The following FAAH2 variants were observed in gnomAD, a reference collection of about 807,000 sequenced individuals.
The protein encoded by FAAH2 is fatty-acid amide hydrolase 2.
FAAH2 carries 60 observed loss-of-function variants against 36.9 expected under a neutral mutation model. That is an observed-to-expected ratio of 1.63 (90% CI 1.32 to 2.02). FAAH2 has a LOEUF of 2.02. Ranked by LOEUF, FAAH2 falls within the 30% of genes most tolerant of loss-of-function variation. FAAH2 has a pLI of 0.00. For missense variants in FAAH2, 689 were observed against 397.5 expected, an observed-to-expected ratio of 1.73 and a Z score of -6.23; for synonymous variants, 214 against 143.8, an observed-to-expected ratio of 1.49 and a Z score of -3.49.
intron 7 of FAAH2, among the ~76,000 whole-genome samples, chrX:57,431,170 T>C (rs2147110833): frequency 8.9e-6 from 1 of 111,860 alleles, no homozygotes; most frequent in South Asian, 3.8e-4. Flanking sequence ...TCCATTGTCA[T>C]ACGTATTCCC....
chrX:57,403,025 A>G (rs1167561270), intron 7 of FAAH2, among the ~76,000 whole-genome samples: 1 of 112,062 alleles, frequency 8.9e-6, no homozygotes, highest in East Asian at 2.8e-4. Flanking sequence ...GGATTGTCCT[A>G]ACCCTTGTAA....
intron 10 of FAAH2, among the ~76,000 whole-genome samples, chrX:57,485,173 C>T (rs6612819): frequency 1.8e-5 from 2 of 112,193 alleles, no homozygotes; most frequent in East Asian, 5.7e-4. Context: ...CCACACTTTC[C>T]TCCTACAGAT....
At chrX:57,302,063 C>G (rs755682019) in intron 2 of FAAH2, among the ~76,000 whole-genome samples, 1 of 111,827 alleles carries the variant, frequency 8.9e-6, no homozygotes, top group Non-Finnish European at 1.9e-5. Context: ...CCTGAAGCAT[C>G]TATTGTCATG....
chrX:57,334,150 A>G (rs2053481362), intron 4 of FAAH2, among the ~76,000 whole-genome samples: 1 of 109,592 alleles, frequency 9.1e-6, no homozygotes, highest in Non-Finnish European at 1.9e-5. Flanking sequence ...GGTGCCTGTA[A>G]TACCAGCTAC....
intron 8 of FAAH2, among the ~76,000 whole-genome samples, chrX:57,435,421 A>C (rs1449561018): frequency 9.0e-6 from 1 of 111,199 alleles, no homozygotes; most frequent in African/African-American, 3.3e-5. Flanking sequence ...TATAAGAAAC[A>C]TGATCCATCT....
the FAAH2 span, among the ~76,000 whole-genome samples, chrX:57,144,794 A>C: frequency 9.1e-6 from 1 of 110,224 alleles, no homozygotes; most frequent in Non-Finnish European, 1.9e-5. Flanking sequence ...TTCCCGAGTT[A>C]CTTCACTTAG....
At chrX:57,348,867 A>G (rs919920339) in intron 5 of FAAH2, among the ~76,000 whole-genome samples, 1 of 108,274 alleles carries the variant, frequency 9.2e-6, no homozygotes, top group African/African-American at 3.3e-5. Flanking sequence ...AGACACAGAA[A>G]CATAAAAAAG....
chrX:57,137,869 GTA>G, the FAAH2 span, among the ~76,000 whole-genome samples: 2 of 109,345 alleles, frequency 1.8e-5, no homozygotes, highest in Admixed American at 9.8e-5. Flanking sequence ...GTGTATGTAT[GTA>G]TATATATATA....
chrX:57,263,165 C>T, the FAAH2 span, among the ~76,000 whole-genome samples: 1 of 111,392 alleles, frequency 9.0e-6, no homozygotes, highest in South Asian at 3.8e-4. Flanking sequence ...AAAATTCCTT[C>T]TAGTTGAAGT....
At chrX:57,410,126 CA>C (rs1191961985) in intron 7 of FAAH2, among the ~76,000 whole-genome samples, 2 of 110,166 alleles carry the variant, frequency 1.8e-5, no homozygotes, top group Non-Finnish European at 1.9e-5. Flanking sequence ...TTAGTTGACC[CA>C]TTTTTTTTCA....
At chrX:57,390,147 A>AT (rs996844571) in intron 7 of FAAH2, among the ~76,000 whole-genome samples, 2 of 111,482 alleles carry the variant, frequency 1.8e-5, no homozygotes, top group African/African-American at 6.5e-5. Flanking sequence ...TTGCCTTTGT[A>AT]TTTTATATTG....
chrX:57,165,306 A>G, the FAAH2 span, among the ~76,000 whole-genome samples: 2 of 112,584 alleles, frequency 1.8e-5, no homozygotes. Context: ...TCCAACAATG[A>G]TAGACTGGAT....
the FAAH2 span, among the ~76,000 whole-genome samples, chrX:57,185,484 G>GTCTC: frequency 6.5e-5 from 6 of 92,394 alleles, no homozygotes; most frequent in African/African-American, 2.9e-4. Context: ...GTCTCTCTCT[G>GTCTC]TCTCTGTGTG....
chrX:57,479,566 C>T lies in FAAH2; in HGVS notation c.1424-9191C>T, dbSNP rs1176214967. Among the ~76,000 whole-genome samples the T allele has an allele frequency of 2.7e-5, 3 of 111,258 alleles. No homozygotes were observed. The South Asian group carries it at 1.1e-3, about 42-fold the overall frequency. ...TGAGAGAGGGCATCCCTGTCTTGTG[C>T]CAGTTTTCAAAGGGAATGCTTCCAG... On this transcript the variant is annotated intron_variant, in intron 10 of 10. Transcript: ENST00000374900.
chrX:57,295,449 C>T (rs1326274608), intron 2 of FAAH2, among the ~76,000 whole-genome samples: 1 of 111,855 alleles, frequency 8.9e-6, no homozygotes, highest in African/African-American at 3.2e-5. Flanking sequence ...TTTCTGAGTC[C>T]CATCAGAAAG....
At chrX:57,137,015 T>A in the FAAH2 span, 1 of 847,070 alleles carries the variant, frequency 1.2e-6, no homozygotes, top group Non-Finnish European at 1.4e-6. Context: ...ACCACTTCCC[T>A]GTTACCTACC....
intron 10 of FAAH2, among the ~76,000 whole-genome samples, chrX:57,471,714 A>G (rs4826566): frequency 0.38 from 41,570 of 110,627 alleles, 6,556 homozygotes; most frequent in Middle Eastern, 0.64. Flanking sequence ...CCTACAAATG[A>G]CTTTCTTCAC....
the FAAH2 span, among the ~76,000 whole-genome samples, chrX:57,280,721 G>A: frequency 9.0e-6 from 1 of 110,575 alleles, no homozygotes; most frequent in East Asian, 2.8e-4. Context: ...ATTTATCTTA[G>A]AGAAATTAAT....
the FAAH2 span, among the ~76,000 whole-genome samples, chrX:57,155,555 G>T: frequency 8.9e-6 from 1 of 112,070 alleles, no homozygotes; most frequent in Admixed American, 9.4e-5. Context: ...GGGCGTGCTG[G>T]GCTGAGAACT....
Sources: allele counts gnomAD v4.1 joint callset (sites outside exome capture counted in the v4.1 genomes callset), GRCh38; gene constraint gnomAD v4.1.1; transcripts MANE v1.5; gene names NCBI Gene and HGNC (gene_info 2026-07-23, HGNC 2026-07-21).